The following ANO3 variants were observed in gnomAD, a reference collection of about 807,000 sequenced individuals.
ANO3 encodes anoctamin-3.
In ANO3, 99 loss-of-function variants were observed where a neutral mutation model predicts 144.8. That is an observed-to-expected ratio of 0.68 (90% CI 0.58 to 0.81). The LOEUF (loss-of-function observed/expected upper bound fraction) is 0.81. Among genes scored for constraint, ANO3 ranks in the 30% least tolerant of loss-of-function variants. The pLI, the probability that ANO3 is intolerant of heterozygous loss-of-function variation, is 0.00. For missense variants in ANO3, 905 were observed against 1,202.2 expected, an observed-to-expected ratio of 0.75 and a Z score of 3.66; for synonymous variants, 414 against 392.6, an observed-to-expected ratio of 1.05 and a Z score of -0.64.
intron 1 of ANO3, among the ~76,000 whole-genome samples, chr11:26,213,497 G>A (rs1162126577): frequency 6.6e-6 from 1 of 152,080 alleles, no homozygotes; most frequent in Non-Finnish European, 1.5e-5. Context: ...GACAAACAGA[G>A]AGCCAAATCA....
chr11:26,323,559 T>C (rs10501046), intron 1 of ANO3, among the ~76,000 whole-genome samples: 9,482 of 152,112 alleles, frequency 0.062, 562 homozygotes, highest in African/African-American at 0.15. Context: ...GTTTAAGAAT[T>C]TATATTAGCC....
At chr11:26,488,654 G>T (rs1471290189) in intron 4 of ANO3, among the ~76,000 whole-genome samples, 1 of 152,130 alleles carries the variant, frequency 6.6e-6, no homozygotes, top group Non-Finnish European at 1.5e-5. Flanking sequence ...TTGGGTGTTT[G>T]TTCCTCCCAG....
At chr11:26,269,835 C>T (rs1853402932) in intron 1 of ANO3, among the ~76,000 whole-genome samples, 1 of 152,158 alleles carries the variant, frequency 6.6e-6, no homozygotes, top group Admixed American at 6.5e-5. Flanking sequence ...ATATTGAAAT[C>T]CGAAATCCCC....
chr11:26,537,419 T>C lies in ANO3; in HGVS notation c.990T>C (p.Leu330=). The change falls in exon 10 of 27, where the codon CTT becomes CTC. Residue 330 remains leucine, a synonymous_variant. Transcript: ENST00000256737. ...TTCTCTTTGCAGGTATCCGTAAACT[T>C]ATAAACAATGGCTCATACATAGCAG... ...NGISKVGIRK[L]INNGSYIAAF... is the part of the protein sequence containing the mutation. 6.2e-7 allele frequency: 1 copy of C among 1,613,716 alleles called. No homozygotes were observed. The highest frequency in any genetic ancestry group is 8.5e-7 in the Non-Finnish European group (1 of 1,179,580).
chr11:26,546,966 A>G (rs1590503000), intron 11 of ANO3, among the ~76,000 whole-genome samples: 1 of 151,860 alleles, frequency 6.6e-6, no homozygotes, highest in African/African-American at 2.4e-5. Flanking sequence ...AATGGTGCAC[A>G]TTGTGTCTAG....
intron 1 of ANO3, among the ~76,000 whole-genome samples, chr11:26,220,530 G>T (rs1326768540): frequency 6.6e-6 from 1 of 152,152 alleles, no homozygotes; most frequent in African/African-American, 2.4e-5. Context: ...TTACAGTTAG[G>T]CTAAAAGAAA....
chr11:26,542,464 C>G (rs771564480), intron 11 of ANO3, among the ~76,000 whole-genome samples: 1 of 152,028 alleles, frequency 6.6e-6, no homozygotes, highest in Non-Finnish European at 1.5e-5. Flanking sequence ...CCTGGCTTAT[C>G]TCTTCCTTCT....
At chr11:26,275,403 T>C (rs1279973471) in intron 1 of ANO3, among the ~76,000 whole-genome samples, 1 of 152,154 alleles carries the variant, frequency 6.6e-6, no homozygotes, top group Non-Finnish European at 1.5e-5. Flanking sequence ...AAATCTACAA[T>C]AATGTTTCTA....
chr11:26,545,793 C>A (rs936604735), intron 11 of ANO3, among the ~76,000 whole-genome samples: 16 of 151,700 alleles, frequency 1.1e-4, no homozygotes, highest in African/African-American at 3.6e-4. Context: ...CCCTCTTCCT[C>A]CCTCTTCCTC....
intron 14 of ANO3, among the ~76,000 whole-genome samples, chr11:26,564,692 T>TACACAC (rs370277580): frequency 2.7e-4 from 11 of 41,114 alleles, no homozygotes; most frequent in African/African-American, 3.5e-4. Flanking sequence ...CTCATATATA[T>TACACAC]ACACACACAC....
At chr11:26,501,524 T>G (rs1125624) in intron 4 of ANO3, among the ~76,000 whole-genome samples, 90,919 of 151,670 alleles carry the variant, frequency 0.6, 27,916 homozygotes, top group East Asian at 0.68. Context: ...ATCCTTGTTT[T>G]GCCATGTTAC....
intron 14 of ANO3, among the ~76,000 whole-genome samples, chr11:26,584,023 T>C (rs972406627): frequency 4.6e-5 from 7 of 152,202 alleles, no homozygotes; most frequent in Non-Finnish European, 7.3e-5. Flanking sequence ...ATATTAAAAG[T>C]ATAGTACCGT....
intron 5 of ANO3, among the ~76,000 whole-genome samples, chr11:26,511,620 G>A (rs143856782): frequency 6.6e-6 from 1 of 152,270 alleles, no homozygotes; most frequent in African/African-American, 2.4e-5. Context: ...AGTAAATGGT[G>A]CTAAATGGCT....
chr11:26,265,582 G>A (rs923510085), intron 1 of ANO3, among the ~76,000 whole-genome samples: 2 of 151,922 alleles, frequency 1.3e-5, no homozygotes, highest in Admixed American at 6.6e-5. Flanking sequence ...AACCCCATAA[G>A]AAATAAATGT....
At chr11:26,479,680 C>T (rs949035824) in intron 4 of ANO3, among the ~76,000 whole-genome samples, 2 of 152,104 alleles carry the variant, frequency 1.3e-5, no homozygotes, top group African/African-American at 4.8e-5. Context: ...AGATGAGATT[C>T]AGGTGGGGAC....
intron 1 of ANO3, among the ~76,000 whole-genome samples, chr11:26,232,281 G>A (rs1394843804): frequency 6.6e-6 from 1 of 152,124 alleles, no homozygotes; most frequent in Non-Finnish European, 1.5e-5. Context: ...AAAAGCTGGT[G>A]GTAGGAACAG....
intron 1 of ANO3, among the ~76,000 whole-genome samples, chr11:26,248,654 A>G (rs1427072712): frequency 1.3e-5 from 2 of 152,204 alleles, no homozygotes; most frequent in African/African-American, 4.8e-5. Flanking sequence ...TTATTCAGAC[A>G]CAATGATTCT....
chr11:26,662,951 A>G lies in ANO3; in HGVS notation c.*2507A>G, dbSNP rs1299879992. The G allele has an allele frequency of 6.6e-6, 1 of 152,494 alleles. No homozygotes were observed. The highest frequency in any genetic ancestry group is 1.5e-5 in the Non-Finnish European group (1 of 67,980). The allele number at this position is 152,494 out of a possible 1,614,324, so 9.4% of individuals were successfully genotyped here. On this transcript the variant is annotated 3_prime_UTR_variant, in exon 27 of 27. Coordinates refer to ENST00000256737, the MANE Select transcript of ANO3 (RefSeq NM_031418.4). ...CACACACTATTCTCAGGAATTCTGT[A>G]TTACATGAATGCTGCTTATATATTT... is the stretch of plus-strand genomic sequence containing the variant.
rs1168180646 is a variant in ANO3 at position 26,230,797 on chromosome 11, CAAAAAAAAAAAAAAAAAAAAAAAA to C, written c.154+41485_154+41508del. On this transcript the variant is annotated intron_variant, in intron 1 of 27. Coordinates refer to the ANO3 transcript ENST00000672621. Reference sequence around the variant, plus strand: ...GGGTGACAGAGCATGACTCCATCTCCAAAAAAAAAAAAAAAAAAAAAAAAAAAAAAAAAAAAAAAAAGTTTATCT... The same window carrying C: ...GGGTGACAGAGCATGACTCCATCTCCAAAAAAAAAAAAAAAAAGTTTATCT... 2.2e-3 allele frequency among the ~76,000 whole-genome samples: 25 copies of C among 11,348 alleles called. No individual in the cohort carries two copies. In the South Asian group the frequency reaches 0.028, roughly 13 times the overall value. The allele number at this position is 11,348 out of a possible 152,430, so 7.4% of individuals were successfully genotyped here.
Sources: gnomAD v4.1 joint callset for allele counts (sites outside exome capture counted in the v4.1 genomes callset) on GRCh38, gnomAD v4.1.1 for gene constraint, MANE v1.5 for transcripts, NCBI Gene and HGNC (gene_info 2026-07-23, HGNC 2026-07-21) for gene names.